Variants in CGREF1 observed in about 807,000 individuals in gnomAD.
The protein encoded by CGREF1 is cell growth regulator with EF-hand domain 1.
A neutral mutation model predicts 17.4 loss-of-function variants in CGREF1; 16 were observed. The observed-to-expected ratio is 0.92, with a 90% CI of 0.62 to 1.40. The LOEUF (loss-of-function observed/expected upper bound fraction) is 1.40. Among genes scored for constraint, CGREF1 ranks in the 40% most tolerant of loss-of-function variants. The probability of loss-of-function intolerance (pLI) is 0.00; values close to 1 mark genes in which losing one functional copy is unlikely to be tolerated. For synonymous variants in CGREF1, 142 were observed against 154.6 expected (o/e 0.92, Z 0.61); for missense variants, 296 against 376.4 (o/e 0.79, Z 1.77).
At position 27,102,555 on chromosome 2, in the gene CGREF1, G is replaced by T; in HGVS notation, c.117C>A (p.Asn39Lys). Residue 39 changes from asparagine to lysine, a missense_variant, in exon 3 of 6, where the codon AAC becomes AAA. Asn to Lys is a moderately conservative substitution (Grantham distance 94, BLOSUM62 0). This residue lies in a region of CGREF1 where 247 missense variants were observed against 267.2 expected (regional missense o/e 0.92). Coordinates refer to ENST00000402394, the MANE Select transcript of CGREF1 (RefSeq NM_006569.6). ...DSEVQHQLLPNPFQPGQEQLG... is the reference protein window; with the variant it reads ...DSEVQHQLLPKPFQPGQEQLG... ...GCTGCTCCTGGCCTGGCTGGAAGGG[G>T]TTGGGCAGGAGCTGATGCTGCACTT... The T allele has an allele frequency of 8.1e-6, 13 of 1,613,848 alleles. No homozygotes were observed. Among genetic ancestry groups the T allele is most frequent in the Non-Finnish European group, 1.1e-5 (13 of 1,179,952 alleles).
At chr2:27,109,998 T>A (rs771386054) in intron 1 of CGREF1, among the ~76,000 whole-genome samples, 2 of 151,566 alleles carry the variant, frequency 1.3e-5, no homozygotes, top group Admixed American at 6.6e-5. Context: ...AATGGAATTT[T>A]AAAAACTGAA....
At chr2:27,107,933 C>CAAAAAAAAAAAAA (rs143132359) in intron 1 of CGREF1, among the ~76,000 whole-genome samples, 1 of 95,826 alleles carries the variant, frequency 1.0e-5, no homozygotes, top group Non-Finnish European at 2.0e-5. Flanking sequence ...GACTCTGTCT[C>CAAAAAAAAAAAAA]AAAAAAAAAA....
rs774891083 is a variant in CGREF1, at chr2:27,101,578, A to G, written c.653T>C (p.Val218Ala). The G allele has an allele frequency of 6.2e-7, 1 of 1,610,880 alleles. No homozygotes were observed. The highest frequency in any genetic ancestry group is 1.1e-5 in the South Asian group (1 of 90,922). ...PGGQAEADGDVPGPRGEAEGQ... is the reference protein window; with the variant it reads ...PGGQAEADGDAPGPRGEAEGQ... ...CTCAGCTTCCCCTCTGGGCCCTGGA[A>G]CATCTCCATCAGCCTCTGCCTGGCC... Residue 218 changes from valine (V) to alanine (A), a missense_variant, in exon 6 of 6, where the codon GTT (valine) becomes GCT (alanine). Around this residue, in one of 3 missense-constraint regions of CGREF1, gnomAD observed 247 missense variants for 267.2 expected, o/e 0.92. Transcript: ENST00000402394.
At chr2:27,100,363 A>T, downstream of CGREF1, 1 of 1,164,304 alleles carries the variant, frequency 8.6e-7, no homozygotes, top group Non-Finnish European at 1.1e-6. Context: ...GTCCAGAAAT[A>T]CCTCCTCCCG....
At chr2:27,102,738 G>T in intron 2 of CGREF1, 147 bp from the exon 3 acceptor site, 2 of 977,908 alleles carry the variant, frequency 2.0e-6, no homozygotes, top group South Asian at 3.5e-5. Flanking sequence ...TAGTGGGGAG[G>T]CTCTTCTGGT....
intron 1 of CGREF1, among the ~76,000 whole-genome samples, chr2:27,112,181 G>A (rs1489472039): frequency 2.0e-5 from 3 of 152,180 alleles, no homozygotes; most frequent in African/African-American, 7.2e-5. Flanking sequence ...GGAAGCTGAG[G>A]TGAAGGATGA....
intron 1 of CGREF1, among the ~76,000 whole-genome samples, chr2:27,109,371 TA>T (rs11314590): frequency 0.03 from 4,040 of 133,736 alleles, 178 homozygotes; most frequent in African/African-American, 0.1. Context: ...GACCCTGTCT[TA>T]AAAAAAAAAA....
chr2:27,104,741 T>C, intron 1 of CGREF1: 1 of 1,509,900 alleles, frequency 6.6e-7, no homozygotes, highest in Non-Finnish European at 8.9e-7. Context: ...ATCTTACAGA[T>C]GGAAAGGAGC....
At chr2:27,111,069 T>A (rs754747541) in intron 1 of CGREF1, 2 of 152,376 alleles carry the variant, frequency 1.3e-5, no homozygotes, top group Non-Finnish European at 2.9e-5. Context: ...GAACAAAGCT[T>A]CCACACTATG....
intron 1 of CGREF1, among the ~76,000 whole-genome samples, chr2:27,115,064 G>A (rs1356287027): frequency 6.6e-6 from 1 of 152,140 alleles, no homozygotes; most frequent in Non-Finnish European, 1.5e-5. Flanking sequence ...TACATTTTGA[G>A]GTGGTTTGTT....
intron 5 of CGREF1, 59 bp downstream of exon 5, chr2:27,102,038 C>T (rs575174912): frequency 4.0e-5 from 63 of 1,564,570 alleles, no homozygotes; most frequent in Non-Finnish European, 5.4e-5. Context: ...ATGAGAAAGA[C>T]CAAAGCCCCA....
intron 1 of CGREF1, among the ~76,000 whole-genome samples, chr2:27,106,077 C>T (rs1671108528): frequency 6.6e-6 from 1 of 152,184 alleles, no homozygotes; most frequent in Non-Finnish European, 1.5e-5. Context: ...ACTGAGATCT[C>T]TGTATCAACA....
intron 1 of CGREF1, among the ~76,000 whole-genome samples, chr2:27,111,835 C>T (rs1262456902): frequency 1.3e-5 from 2 of 151,986 alleles, no homozygotes; most frequent in African/African-American, 2.4e-5. Flanking sequence ...CCCCGGTTCG[C>T]GCTCGCGCCT....
chr2:27,104,667 C>T, intron 1 of CGREF1: 1 of 1,550,586 alleles, frequency 6.4e-7, no homozygotes, highest in South Asian at 1.2e-5. Context: ...CCTTGCTCCC[C>T]ACTAGGTGCC....
chr2:27,106,981 G>A (rs1198820420), intron 1 of CGREF1, among the ~76,000 whole-genome samples: 1 of 152,154 alleles, frequency 6.6e-6, no homozygotes, highest in Non-Finnish European at 1.5e-5. Context: ...TCTAAAGTAG[G>A]TAATGTATTT....
At chr2:27,109,487 A>ATATGAGG (rs1671265367) in intron 1 of CGREF1, among the ~76,000 whole-genome samples, 1 of 152,194 alleles carries the variant, frequency 6.6e-6, no homozygotes, top group South Asian at 2.1e-4. Flanking sequence ...TTATGTTAAT[A>ATATGAGG]TATGAGGCAA....
chr2:27,108,000 A>G (rs1343348383), intron 1 of CGREF1, among the ~76,000 whole-genome samples: 1 of 151,558 alleles, frequency 6.6e-6, no homozygotes, highest in Admixed American at 6.6e-5. Flanking sequence ...AGATTTGAAG[A>G]GGAAACAAAC....
At chr2:27,112,621 G>T (rs1245376308) in intron 1 of CGREF1, among the ~76,000 whole-genome samples, 2 of 152,126 alleles carry the variant, frequency 1.3e-5, no homozygotes, top group African/African-American at 2.4e-5. Flanking sequence ...AAATGGAAAA[G>T]AAATTACAAA....
At chr2:27,115,440 T>A (rs918595142) in intron 1 of CGREF1, among the ~76,000 whole-genome samples, 2 of 152,228 alleles carry the variant, frequency 1.3e-5, no homozygotes, top group African/African-American at 4.8e-5. Context: ...TTTTTCTCAC[T>A]AAACTTCAGT....
Sources: gnomAD v4.1 joint callset for allele counts (sites outside exome capture counted in the v4.1 genomes callset) on GRCh38, gnomAD v4.1.1 for gene constraint, gnomAD v4.1.1 regional missense constraint, MANE v1.5 for transcripts, NCBI Gene and HGNC (gene_info 2026-07-23, HGNC 2026-07-21) for gene names.